The following SUGCT variants were observed in gnomAD, a reference collection of about 807,000 sequenced individuals.
The protein encoded by SUGCT is succinyl-CoA:glutarate-CoA transferase, also known as succinyl-CoA:glutarate CoA-transferase.
SUGCT carries 41 observed loss-of-function variants against 55.0 expected under a neutral mutation model. The observed-to-expected ratio is 0.74, with a 90% confidence interval of 0.58 to 0.97. SUGCT has a LOEUF of 0.97. Ranked by LOEUF, SUGCT falls within the 50% of genes least tolerant of loss-of-function variation. The pLI, the probability that SUGCT is intolerant of heterozygous loss-of-function variation, is 0.00. For missense variants in SUGCT, 568 were observed against 547.8 expected (o/e 1.04, Z -0.37); for synonymous variants, 187 against 200.4 (o/e 0.93, Z 0.56).
At chr7:40,492,186 C>T (rs920959987) in intron 11 of SUGCT, among the ~76,000 whole-genome samples, 1 of 151,862 alleles carries the variant, frequency 6.6e-6, no homozygotes, top group African/African-American at 2.4e-5. Context: ...GCATTCATGA[C>T]CAAACCAGAT....
In SUGCT at chr7:40,246,646, G is replaced by A. The variant is rs147351191; in HGVS notation, c.576+8920G>A. 6.0e-3 allele frequency among the ~76,000 whole-genome samples: 907 copies of A among 150,722 alleles called. 10 individuals are homozygous for A. The highest frequency in any genetic ancestry group is 0.021 in the African/African-American group (859 of 40,996). On this transcript the variant is annotated intron_variant, in intron 7 of 13. Transcript: ENST00000335693. ...GAGTCTCACTCTGTTGCCCAGACTGGAGTGCAGTGGCATGATCTCCGCTCA... is the reference window on the plus strand; with the variant it reads ...GAGTCTCACTCTGTTGCCCAGACTGAAGTGCAGTGGCATGATCTCCGCTCA...
At chr7:40,300,792 A>G (rs1378809633) in intron 8 of SUGCT, among the ~76,000 whole-genome samples, 3 of 152,176 alleles carry the variant, frequency 2.0e-5, no homozygotes, top group Non-Finnish European at 2.9e-5. Context: ...AATGTAAGTT[A>G]GTGAATTTCT....
chr7:40,213,131 A>G (rs1787438868), intron 6 of SUGCT, among the ~76,000 whole-genome samples: 1 of 152,186 alleles, frequency 6.6e-6, no homozygotes, highest in South Asian at 2.1e-4. Context: ...CTTATCAATT[A>G]TCTTATCAAT....
chr7:40,493,394 G>A (rs1467458972), intron 11 of SUGCT, among the ~76,000 whole-genome samples: 1 of 152,100 alleles, frequency 6.6e-6, no homozygotes, highest in Non-Finnish European at 1.5e-5. Context: ...GAGATCTCTT[G>A]TTAGTTTCTG....
chr7:40,597,789 G>A (rs542307550), intron 12 of SUGCT, among the ~76,000 whole-genome samples: 23 of 152,290 alleles, frequency 1.5e-4, no homozygotes, highest in Admixed American at 1.2e-3. Flanking sequence ...TTGAAATATA[G>A]CATGGAAGAG....
intron 12 of SUGCT, among the ~76,000 whole-genome samples, chr7:40,719,063 T>C (rs1786177594): frequency 6.6e-6 from 1 of 152,238 alleles, no homozygotes; most frequent in African/African-American, 2.4e-5. Context: ...TCATTGTCCT[T>C]AAGATAAAGC....
intron 6 of SUGCT, among the ~76,000 whole-genome samples, chr7:40,227,184 C>T (rs1277371780): frequency 6.6e-6 from 1 of 150,800 alleles, no homozygotes; most frequent in African/African-American, 2.4e-5. Flanking sequence ...GTAGCTGAGA[C>T]TACAGGCACC....
chr7:40,966,628 C>T, the SUGCT span: 1 of 152,176 alleles, frequency 6.6e-6, no homozygotes, highest in African/African-American at 2.4e-5. Flanking sequence ...ACACATCTGC[C>T]TTCAACTACC....
At chr7:40,150,121 C>T (rs1584186243) in intron 1 of SUGCT, among the ~76,000 whole-genome samples, 2 of 152,236 alleles carry the variant, frequency 1.3e-5, no homozygotes, top group East Asian at 1.9e-4. Flanking sequence ...AGGAGTCATG[C>T]GGCCGGAGGC....
At chr7:40,177,525 A>G (rs1195383738) in intron 1 of SUGCT, among the ~76,000 whole-genome samples, 1 of 152,216 alleles carries the variant, frequency 6.6e-6, no homozygotes, top group Non-Finnish European at 1.5e-5. Flanking sequence ...TTGAAATAGT[A>G]CAATTATTAT....
At chr7:40,683,128 C>T (rs540089809) in intron 12 of SUGCT, among the ~76,000 whole-genome samples, 1 of 151,754 alleles carries the variant, frequency 6.6e-6, no homozygotes. Flanking sequence ...AGTAACCTGA[C>T]TTTTTTCTGT....
chr7:40,459,191 T>C lies in SUGCT; in HGVS notation c.979T>C (p.Ser327Pro), dbSNP rs1187863579. 2 of 1,590,226 alleles carry C rather than the reference T, an allele frequency of 1.3e-6. No homozygotes were observed. Among genetic ancestry groups the C allele is most frequent in the Non-Finnish European group, 1.7e-6 (2 of 1,160,282 alleles). Residue 327 changes from serine to proline, a missense_variant, in exon 11 of 14, where the codon TCT (serine) becomes CCT (proline). Physicochemically the swap from Ser to Pro is moderately conservative, Grantham distance 74. Transcript: ENST00000335693. ...HNRKELIKILSERFEEELTSK... is the reference protein window; with the variant it reads ...HNRKELIKILPERFEEELTSK... ...TAGAAAAGAGCTTATTAAAATATTATCTGAACGGTAAGTTTGGATGTTGTA... is the reference window on the plus strand; with the variant it reads ...TAGAAAAGAGCTTATTAAAATATTACCTGAACGGTAAGTTTGGATGTTGTA...
intron 11 of SUGCT, among the ~76,000 whole-genome samples, chr7:40,460,867 A>G (rs1789757625): frequency 6.6e-6 from 1 of 152,180 alleles, no homozygotes; most frequent in Non-Finnish European, 1.5e-5. Context: ...AGACTTAACA[A>G]TAAGTAAGGA....
In SUGCT at chr7:40,267,323, C is replaced by T. The variant is rs71536674; in HGVS notation, c.577-7190C>T. ...TAAAAGAGCTAAATACATTTAAAAC[C>T]GTTTCTGAGTGACCATGAACAAAAT... On this transcript the variant is annotated intron_variant, in intron 7 of 13. Transcript: ENST00000335693. 1.0e-2 allele frequency among the ~76,000 whole-genome samples: 1,518 copies of T among 152,078 alleles called. 16 individuals carry two copies. Among genetic ancestry groups the T allele is most frequent in the Middle Eastern group, 0.017 (5 of 292 alleles).
the SUGCT span, among the ~76,000 whole-genome samples, chr7:40,894,076 T>C: frequency 6.8e-6 from 1 of 147,104 alleles, no homozygotes; most frequent in East Asian, 2.0e-4. Context: ...AAAAAAGCTA[T>C]ACTACAAGGT....
At chr7:40,321,404 A>AG (rs1795738458) in intron 9 of SUGCT, among the ~76,000 whole-genome samples, 1 of 141,630 alleles carries the variant, frequency 7.1e-6, no homozygotes, top group African/African-American at 2.8e-5. Flanking sequence ...TTTTATTTTG[A>AG]CAGAGTCTTG....
chr7:40,156,889 A>G (rs1783923059), intron 1 of SUGCT, among the ~76,000 whole-genome samples: 2 of 151,962 alleles, frequency 1.3e-5, no homozygotes, highest in Non-Finnish European at 2.9e-5. Context: ...GTTGGCACAC[A>G]TCTGTAAACC....
chr7:40,576,978 T>C (rs557049450), intron 12 of SUGCT, among the ~76,000 whole-genome samples: 37 of 152,300 alleles, frequency 2.4e-4, no homozygotes, highest in African/African-American at 8.9e-4. Context: ...GTTCTTAAAG[T>C]GTAGCCCAGA....
the SUGCT span, among the ~76,000 whole-genome samples, chr7:41,008,422 A>G: frequency 5.9e-5 from 9 of 152,098 alleles, no homozygotes; most frequent in Admixed American, 5.2e-4. Context: ...GGGGCCAATG[A>G]AAGGTCACAG....
Sources: allele counts gnomAD v4.1 joint callset (sites outside exome capture counted in the v4.1 genomes callset), GRCh38; gene constraint gnomAD v4.1.1; transcripts MANE v1.5; gene names NCBI Gene and HGNC (gene_info 2026-07-23, HGNC 2026-07-21).